The following MYO1E variants were observed in gnomAD, a reference collection of about 807,000 sequenced individuals.
The protein encoded by MYO1E is myosin IE.
A neutral mutation model predicts 151.1 loss-of-function variants in MYO1E; 68 were observed. The observed-to-expected ratio is 0.45, with a 90% CI of 0.37 to 0.55. The LOEUF is 0.55. Among genes scored for constraint, MYO1E ranks in the 20% least tolerant of loss-of-function variants. The pLI is 0.00. For synonymous variants in MYO1E, 601 were observed against 501.7 expected (o/e 1.20, Z -2.64); for missense variants, 1,363 against 1,389.3 (o/e 0.98, Z 0.30).
chr15:59,318,469 C>T (rs1201594095), intron 1 of MYO1E, among the ~76,000 whole-genome samples: 1 of 152,110 alleles, frequency 6.6e-6, no homozygotes, highest in African/African-American at 2.4e-5. Flanking sequence ...GTCATGAGAA[C>T]TGGAGGACTA....
At chr15:59,271,828 C>A (rs77468426) in intron 2 of MYO1E, among the ~76,000 whole-genome samples, 2,045 of 152,338 alleles carry the variant, frequency 0.013, 17 homozygotes, top group Non-Finnish European at 0.02. Flanking sequence ...TCTTTGCAAA[C>A]CAGGACTTCC....
Position 59,178,505 on chromosome 15 carries a change from G to A in MYO1E, c.1937C>T (p.Ser646Phe), listed in dbSNP as rs866819750. ...YAILTKATWP[S>F]WQGEEKQGVL... Reference sequence around the variant, plus strand: ...GCCTTGCTTCTCCTCTCCCTGCCAAGAAGGCCAGGTGGCTTTGGTCAGAAT... The same window carrying A: ...GCCTTGCTTCTCCTCTCCCTGCCAAAAAGGCCAGGTGGCTTTGGTCAGAAT... Residue 646 changes from serine (S) to phenylalanine (F), a missense_variant, in exon 19 of 28, where the codon TCT (serine) becomes TTT (phenylalanine). By Grantham distance (155) the Ser-to-Phe change is radical. Transcript: ENST00000288235. 9 of 1,614,208 alleles carry A rather than the reference G, an allele frequency of 5.6e-6. No homozygotes were observed. The Middle Eastern group carries it at 9.9e-4, about 178-fold the overall frequency.
At chr15:59,345,759 A>G (rs1343779192) in intron 1 of MYO1E, among the ~76,000 whole-genome samples, 1 of 152,186 alleles carries the variant, frequency 6.6e-6, no homozygotes, top group African/African-American at 2.4e-5. Flanking sequence ...GGATGTATAG[A>G]ATATTTACCA....
chr15:59,306,190 G>A (rs1339919115), intron 1 of MYO1E, among the ~76,000 whole-genome samples: 7 of 152,116 alleles, frequency 4.6e-5, no homozygotes, highest in African/African-American at 1.7e-4. Context: ...ATATGTTAGT[G>A]CTCACTTCTC....
Position 59,208,293 on chromosome 15 carries a change from A to C in MYO1E, c.1530+388T>G, listed in dbSNP as rs1384871346. 3 of 578,710 alleles carry C rather than the reference A, an allele frequency of 5.2e-6. No homozygotes were observed. In the East Asian group the frequency reaches 9.2e-5, roughly 18 times the overall value. 35.8% of individuals were successfully genotyped at this position (578,710 alleles called of 1,614,324 possible). A position where few individuals can be genotyped will look rare whatever the true frequency, so the allele number is the denominator to read the frequency against. Reference sequence around the variant, plus strand: ...TTTACAATTCCTAAGTATTTTTGGTACCTCTGATGTAGCAGCACTTGCCAT... The same window carrying C: ...TTTACAATTCCTAAGTATTTTTGGTCCCTCTGATGTAGCAGCACTTGCCAT... On this transcript the variant is annotated intron_variant, in intron 14 of 27. Coordinates refer to ENST00000288235, the MANE Select transcript of MYO1E (RefSeq NM_004998.4).
intron 9 of MYO1E, among the ~76,000 whole-genome samples, chr15:59,221,059 A>AT (rs1191330820): frequency 9.5e-5 from 14 of 146,808 alleles, no homozygotes; most frequent in East Asian, 3.9e-4. Context: ...CACACACATA[A>AT]TTTTTTTTCC....
At chr15:59,256,781 A>G (rs961713054) in intron 3 of MYO1E, among the ~76,000 whole-genome samples, 4 of 152,044 alleles carry the variant, frequency 2.6e-5, no homozygotes, top group Admixed American at 2.6e-4. Context: ...CCTGCCAAAC[A>G]CCTAGATCTG....
intron 1 of MYO1E, among the ~76,000 whole-genome samples, chr15:59,316,542 A>G (rs76040868): frequency 0.044 from 6,772 of 152,330 alleles, 363 homozygotes; most frequent in African/African-American, 0.13. Context: ...TAAAAGCCAG[A>G]AAGAATTCTG....
intron 4 of MYO1E, among the ~76,000 whole-genome samples, chr15:59,240,417 G>A (rs1376550711): frequency 6.6e-6 from 1 of 152,136 alleles, no homozygotes; most frequent in African/African-American, 2.4e-5. Context: ...TATAGAAATG[G>A]AAACATACGG....
chr15:59,222,235 T>C (rs535178538), intron 9 of MYO1E, among the ~76,000 whole-genome samples: 1 of 152,308 alleles, frequency 6.6e-6, no homozygotes, highest in East Asian at 1.9e-4. Flanking sequence ...TGGGATGCTA[T>C]TTATTACTAA....
At chr15:59,158,406 C>CTTT (rs752012148) in intron 24 of MYO1E, 27 bp from the exon 25 acceptor site, 107 of 1,524,872 alleles carry the variant, frequency 7.0e-5, no homozygotes, top group Middle Eastern at 2.2e-4. Context: ...AAAGTTAAAA[C>CTTT]CAGTGCTACT....
chr15:59,222,558 G>A (rs2079962411), intron 9 of MYO1E, among the ~76,000 whole-genome samples: 1 of 152,130 alleles, frequency 6.6e-6, no homozygotes, highest in South Asian at 2.1e-4. Flanking sequence ...ATCTTTTTCT[G>A]TGTTCAGAAA....
rs547746946 is a variant in MYO1E, at chr15:59,284,281, G to C, written c.4-11832C>G. Among the ~76,000 whole-genome samples the C allele has an allele frequency of 3.9e-5, 6 of 152,308 alleles. No individual in the cohort carries two copies. In the South Asian group the frequency reaches 1.2e-3, roughly 32 times the overall value. ...GGGGCAAATAGGAGTCCTGGGCCCAGAGTCTGCTCCAAGGAAGAAATAAGT... is the reference window on the plus strand; with the variant it reads ...GGGGCAAATAGGAGTCCTGGGCCCACAGTCTGCTCCAAGGAAGAAATAAGT... On this transcript the variant is annotated intron_variant, in intron 1 of 27. Transcript: ENST00000288235.
chr15:59,317,418 G>C (rs946150282), intron 1 of MYO1E, among the ~76,000 whole-genome samples: 3 of 152,138 alleles, frequency 2.0e-5, no homozygotes, highest in Non-Finnish European at 4.4e-5. Flanking sequence ...GGATGCTTAG[G>C]GTAAACTCTA....
intron 7 of MYO1E, among the ~76,000 whole-genome samples, chr15:59,225,119 G>T (rs1304809945): frequency 1.3e-5 from 2 of 152,180 alleles, no homozygotes; most frequent in South Asian, 4.1e-4. Context: ...CTTAGTTCCT[G>T]CCCAACTTGC....
In MYO1E at chr15:59,309,875, A is replaced by T. The variant is rs191005931; in HGVS notation, c.4-37426T>A. Reference sequence around the variant, plus strand: ...TCGTATATACTGATAGGGATTATATACCCCACCCACCACATTTGTAAATAG... The same window carrying T: ...TCGTATATACTGATAGGGATTATATTCCCCACCCACCACATTTGTAAATAG... On this transcript the variant is annotated intron_variant, in intron 1 of 27. Transcript: ENST00000288235. 2.3e-3 allele frequency among the ~76,000 whole-genome samples: 356 copies of T among 152,112 alleles called. 1 individual carries two copies. Among genetic ancestry groups the T allele is most frequent in the Middle Eastern group, 0.02 (6 of 294 alleles).
chr15:59,228,553 G>GT (rs200581765), intron 6 of MYO1E, among the ~76,000 whole-genome samples: 17 of 150,140 alleles, frequency 1.1e-4, no homozygotes, highest in African/African-American at 2.0e-4. Flanking sequence ...ATTTAAATTG[G>GT]TTTTTTTTTC....
chr15:59,240,409 T>C (rs542618892), intron 4 of MYO1E, among the ~76,000 whole-genome samples: 7 of 152,202 alleles, frequency 4.6e-5, no homozygotes, highest in South Asian at 2.1e-4. Flanking sequence ...GTACTAACTA[T>C]AGAAATGGAA....
At chr15:59,255,235 C>T (rs2080187305) in intron 4 of MYO1E, among the ~76,000 whole-genome samples, 1 of 152,128 alleles carries the variant, frequency 6.6e-6, no homozygotes, top group Non-Finnish European at 1.5e-5. Context: ...CCCACTCAGC[C>T]TCCTCAGTAG....
Sources: allele counts gnomAD v4.1 joint callset (sites outside exome capture counted in the v4.1 genomes callset), GRCh38; gene constraint gnomAD v4.1.1; transcripts MANE v1.5; gene names NCBI Gene and HGNC (gene_info 2026-07-23, HGNC 2026-07-21).